The following KRABD5 variants were observed in gnomAD, a reference collection of about 807,000 sequenced individuals.
The protein encoded by KRABD5 is KRAB domain containing 5.
chr16:31,723,904 T>TA, the KRABD5 span, among the ~76,000 whole-genome samples: 5 of 151,636 alleles, frequency 3.3e-5, no homozygotes, highest in East Asian at 7.7e-4. Context: ...TTCCTAAATA[T>TA]AAAAAAAAAT....
At chr16:31,716,872 C>T in the KRABD5 span, among the ~76,000 whole-genome samples, 1 of 152,066 alleles carries the variant, frequency 6.6e-6, no homozygotes, top group African/African-American at 2.4e-5. Flanking sequence ...TATTTCTCTC[C>T]TTCTTTTTCT....
chr16:31,728,515 G>A, the KRABD5 span, among the ~76,000 whole-genome samples: 1 of 151,732 alleles, frequency 6.6e-6, no homozygotes, highest in Non-Finnish European at 1.5e-5. Context: ...CTCAGGATAT[G>A]TTTAGATTTT....
chr16:31,719,372 A>G, the KRABD5 span, among the ~76,000 whole-genome samples: 1 of 152,218 alleles, frequency 6.6e-6, no homozygotes, highest in Non-Finnish European at 1.5e-5. Flanking sequence ...TGTTTTGATT[A>G]AATTGCTTGT....
At chr16:31,759,327 G>T in the KRABD5 span, 21 of 1,531,620 alleles carry the variant, frequency 1.4e-5, no homozygotes, top group South Asian at 2.5e-4. Flanking sequence ...ACACAAAATT[G>T]TACTTTATGT....
the KRABD5 span, among the ~76,000 whole-genome samples, chr16:31,748,878 C>T: frequency 6.6e-6 from 1 of 152,168 alleles, no homozygotes; most frequent in Non-Finnish European, 1.5e-5. Flanking sequence ...CAACCTGATG[C>T]CAGTAGGATT....
At chr16:31,735,108 CTTTCTTTT>C in the KRABD5 span, among the ~76,000 whole-genome samples, 669 of 151,178 alleles carry the variant, frequency 4.4e-3, 8 homozygotes, top group African/African-American at 0.016. Flanking sequence ...CTCTCTCTTT[CTTTCTTTT>C]TTTCTTTCTT....
chr16:31,716,630 T>A, the KRABD5 span, among the ~76,000 whole-genome samples: 1 of 152,182 alleles, frequency 6.6e-6, no homozygotes, highest in South Asian at 2.1e-4. Context: ...TCCACCTGCC[T>A]CTGCCTCCCA....
At chr16:31,750,907 G>A in the KRABD5 span, among the ~76,000 whole-genome samples, 144 of 152,182 alleles carry the variant, frequency 9.5e-4, 1 homozygote, top group Middle Eastern at 3.4e-3. Context: ...CTACAGGAAT[G>A]TGCCATCACA....
the KRABD5 span, among the ~76,000 whole-genome samples, chr16:31,749,952 T>C: frequency 6.6e-6 from 1 of 152,240 alleles, no homozygotes; most frequent in Non-Finnish European, 1.5e-5. Flanking sequence ...GCTTATAGTA[T>C]AGTTTGAAGT....
At chr16:31,713,615 G>T in the KRABD5 span, 1 of 858,788 alleles carries the variant, frequency 1.2e-6, no homozygotes, top group South Asian at 1.8e-5. Flanking sequence ...CGCGCGTCCG[G>T]TCCCCTCCCG....
the KRABD5 span, among the ~76,000 whole-genome samples, chr16:31,738,933 C>T: frequency 6.6e-6 from 1 of 152,124 alleles, no homozygotes; most frequent in African/African-American, 2.4e-5. Context: ...TAATTGCATA[C>T]AAAAATCCTG....
At chr16:31,751,461 C>G in the KRABD5 span, among the ~76,000 whole-genome samples, 5 of 152,122 alleles carry the variant, frequency 3.3e-5, no homozygotes, top group Non-Finnish European at 5.9e-5. Context: ...AGTATCAGAA[C>G]TTGATACTGG....
At chr16:31,745,862 C>A in the KRABD5 span, among the ~76,000 whole-genome samples, 1 of 152,088 alleles carries the variant, frequency 6.6e-6, no homozygotes, top group Non-Finnish European at 1.5e-5. Context: ...GTTCCCTTTA[C>A]CATTATGTAA....
the KRABD5 span, chr16:31,756,771 A>G: frequency 6.6e-6 from 1 of 152,296 alleles, no homozygotes; most frequent in Non-Finnish European, 1.5e-5. Context: ...GAACACTTAG[A>G]GATTTTTCTT....
chr16:31,736,604 G>A, the KRABD5 span, among the ~76,000 whole-genome samples: 5 of 148,400 alleles, frequency 3.4e-5, no homozygotes, highest in Middle Eastern at 3.5e-3. Context: ...TGCAACCTCC[G>A]CTTCCTGGAT....
At chr16:31,722,138 A>C in the KRABD5 span, among the ~76,000 whole-genome samples, 4 of 152,096 alleles carry the variant, frequency 2.6e-5, no homozygotes, top group Non-Finnish European at 5.9e-5. Context: ...TCAGTGGTGC[A>C]ATCTTGGCTC....
the KRABD5 span, chr16:31,754,207 G>T: frequency 5.6e-5 from 38 of 672,770 alleles, no homozygotes; most frequent in Non-Finnish European, 9.3e-5. Context: ...GAAAAGGAGA[G>T]ATTTAAAAAC....
the KRABD5 span, among the ~76,000 whole-genome samples, chr16:31,728,624 C>T: frequency 4.0e-5 from 6 of 151,618 alleles, no homozygotes; most frequent in Admixed American, 1.3e-4. Context: ...TATTGATTTT[C>T]AGTTTTATAT....
chr16:31,714,076 C>G, the KRABD5 span, among the ~76,000 whole-genome samples: 1 of 152,224 alleles, frequency 6.6e-6, no homozygotes, highest in African/African-American at 2.4e-5. Flanking sequence ...CAGGTCCTCT[C>G]TTTTGCAGTG....
Sources: gnomAD v4.1 joint callset for allele counts (sites outside exome capture counted in the v4.1 genomes callset) on GRCh38, gnomAD v4.1.1 for gene constraint, MANE v1.5 for transcripts, NCBI Gene and HGNC (gene_info 2026-07-23, HGNC 2026-07-21) for gene names.